Variants in POFUT3 observed in about 807,000 individuals in gnomAD.
POFUT3 encodes the protein GDP-fucose protein O-fucosyltransferase 3.
chr8:33,436,565 T>C, the POFUT3 span: 1 of 911,968 alleles, frequency 1.1e-6, no homozygotes, highest in Non-Finnish European at 1.8e-6. Flanking sequence ...TCCTCTGCAG[T>C]TCTGTCTTCT....
At chr8:33,365,404 C>G in the POFUT3 span, among the ~76,000 whole-genome samples, 1 of 152,132 alleles carries the variant, frequency 6.6e-6, no homozygotes, top group African/African-American at 2.4e-5. Context: ...CCAAAATAGA[C>G]AAATGGAATC....
the POFUT3 span, chr8:33,360,830 GCAAA>G: frequency 6.6e-6 from 1 of 152,162 alleles, no homozygotes. Context: ...AAACACACAA[GCAAA>G]CAAATGGGGA....
the POFUT3 span, among the ~76,000 whole-genome samples, chr8:33,310,710 T>A: frequency 2.4e-5 from 3 of 123,572 alleles, no homozygotes; most frequent in Admixed American, 7.8e-5. Flanking sequence ...AAAAAAAATA[T>A]CTCCCACAGA....
the POFUT3 span, among the ~76,000 whole-genome samples, chr8:33,449,481 G>T: frequency 2.6e-5 from 4 of 151,774 alleles, no homozygotes; most frequent in South Asian, 8.3e-4. Context: ...GTAGAAGCAG[G>T]GTTTCACCAT....
chr8:33,426,831 G>A, the POFUT3 span, among the ~76,000 whole-genome samples: 57 of 152,294 alleles, frequency 3.7e-4, no homozygotes, highest in African/African-American at 1.3e-3. Context: ...GCATCCTTGT[G>A]ATCTGGCCCT....
At chr8:33,426,796 C>T in the POFUT3 span, among the ~76,000 whole-genome samples, 1 of 152,170 alleles carries the variant, frequency 6.6e-6, no homozygotes, top group Non-Finnish European at 1.5e-5. Context: ...TTTCTCTGAC[C>T]TCAGAATGCT....
chr8:33,382,250 C>T, the POFUT3 span, among the ~76,000 whole-genome samples: 1 of 152,230 alleles, frequency 6.6e-6, no homozygotes, highest in South Asian at 2.1e-4. Context: ...CGAGATCACA[C>T]CACTGTACTC....
the POFUT3 span, among the ~76,000 whole-genome samples, chr8:33,388,094 A>G: frequency 1.3e-4 from 20 of 152,168 alleles, no homozygotes; most frequent in African/African-American, 4.8e-4. Context: ...CAATTTAAGA[A>G]AGTTTTTATA....
At chr8:33,342,966 G>T in the POFUT3 span, among the ~76,000 whole-genome samples, 2 of 152,070 alleles carry the variant, frequency 1.3e-5, no homozygotes, top group Non-Finnish European at 2.9e-5. Flanking sequence ...TATTAGCCGG[G>T]TGTGGTGTCG....
the POFUT3 span, among the ~76,000 whole-genome samples, chr8:33,362,949 C>A: frequency 1.3e-5 from 2 of 152,170 alleles, no homozygotes; most frequent in Non-Finnish European, 2.9e-5. Context: ...AATCTCCACC[C>A]CAAATCAACA....
At chr8:33,405,500 T>C in the POFUT3 span, among the ~76,000 whole-genome samples, 19 of 150,892 alleles carry the variant, frequency 1.3e-4, no homozygotes, top group East Asian at 1.9e-3. Context: ...AAAAAAAAAA[T>C]AGTCGATGAT....
At chr8:33,309,573 G>C in the POFUT3 span, among the ~76,000 whole-genome samples, 2,133 of 152,158 alleles carry the variant, frequency 0.014, 65 homozygotes, top group African/African-American at 0.049. Context: ...CAGGCATTTA[G>C]ATTTCTGGAC....
At chr8:33,346,049 G>A in the POFUT3 span, among the ~76,000 whole-genome samples, 6 of 150,498 alleles carry the variant, frequency 4.0e-5, no homozygotes, top group East Asian at 4.0e-4. Context: ...GGTCTTGAAC[G>A]CCCATCTTCA....
the POFUT3 span, among the ~76,000 whole-genome samples, chr8:33,309,351 TTGTGTGTG>T: frequency 7.0e-6 from 1 of 142,504 alleles, no homozygotes; most frequent in Non-Finnish European, 1.5e-5. Context: ...CTTAAAGGTA[TTGTGTGTG>T]TGTGTGTGTG....
chr8:33,366,763 T>A, the POFUT3 span, among the ~76,000 whole-genome samples: 2 of 152,192 alleles, frequency 1.3e-5, 1 homozygote, highest in Non-Finnish European at 2.9e-5. Context: ...TTCACAAAAA[T>A]TGTTGACAAA....
At chr8:33,335,151 ATGTG>A in the POFUT3 span, among the ~76,000 whole-genome samples, 2,405 of 145,844 alleles carry the variant, frequency 0.016, 41 homozygotes, top group African/African-American at 0.049. Context: ...AAAGAAATAT[ATGTG>A]TGTGTGTGTG....
At chr8:33,329,605 T>C in the POFUT3 span, among the ~76,000 whole-genome samples, 1 of 152,068 alleles carries the variant, frequency 6.6e-6, no homozygotes, top group African/African-American at 2.4e-5. Flanking sequence ...TGACTTGGAG[T>C]CCCCAGTGCT....
the POFUT3 span, among the ~76,000 whole-genome samples, chr8:33,415,263 A>G: frequency 1.3e-5 from 2 of 152,016 alleles, no homozygotes; most frequent in Non-Finnish European, 2.9e-5. Context: ...CTCTGCCTCA[A>G]AAAAATAAAT....
At chr8:33,386,685 C>T in the POFUT3 span, among the ~76,000 whole-genome samples, 1 of 151,936 alleles carries the variant, frequency 6.6e-6, no homozygotes, top group African/African-American at 2.4e-5. Context: ...TGGCGGGTGC[C>T]TGTAGTCCCA....
Sources: gnomAD v4.1 joint callset for allele counts (sites outside exome capture counted in the v4.1 genomes callset) on GRCh38, gnomAD v4.1.1 for gene constraint, MANE v1.5 for transcripts, NCBI Gene and HGNC (gene_info 2026-07-23, HGNC 2026-07-21) for gene names.